The following ADCK1 variants were observed in gnomAD, a reference collection of about 807,000 sequenced individuals.
The protein encoded by ADCK1 is aarF domain-containing protein kinase 1.
A neutral mutation model predicts 52.3 loss-of-function variants in ADCK1; 41 were observed. The ratio of observed to expected loss-of-function variants is 0.78; its 90% confidence interval spans 0.61 to 1.02. The LOEUF is 1.02. ADCK1 is among the 50% of genes least tolerant of loss of function. ADCK1 has a pLI of 0.00. For missense variants in ADCK1, 658 were observed against 679.5 expected, an observed-to-expected ratio of 0.97 and a Z score of 0.35; for synonymous variants, 250 against 274.6, an observed-to-expected ratio of 0.91 and a Z score of 0.89.
chr14:77,910,272 G>C (rs184201015), intron 7 of ADCK1, among the ~76,000 whole-genome samples: 2 of 152,206 alleles, frequency 1.3e-5, no homozygotes, highest in Non-Finnish European at 2.9e-5. Flanking sequence ...GAGAAAAAGA[G>C]TTCATCCTTC....
chr14:77,908,093 T>A, intron 7 of ADCK1, 174 bp downstream of exon 7: 5 of 567,328 alleles, frequency 8.8e-6, no homozygotes, highest in Non-Finnish European at 1.3e-5. Context: ...TCAGGTCATT[T>A]AGGCCAGCCC....
At chr14:77,931,829 TC>T in intron 10 of ADCK1, 118 bp downstream of exon 10, 1 of 1,057,926 alleles carries the variant, frequency 9.5e-7, no homozygotes, top group Non-Finnish European at 1.3e-6. Context: ...CTTCCCAATC[TC>T]CAGATATCCC....
intron 5 of ADCK1, among the ~76,000 whole-genome samples, chr14:77,894,483 C>A (rs569458726): frequency 1.3e-5 from 2 of 151,976 alleles, no homozygotes; most frequent in African/African-American, 4.8e-5. Flanking sequence ...TGTCCTGTGT[C>A]GTTGTGTTGT....
At chr14:77,827,091 C>T (rs941894345) in intron 3 of ADCK1, among the ~76,000 whole-genome samples, 1 of 151,910 alleles carries the variant, frequency 6.6e-6, no homozygotes, top group Non-Finnish European at 1.5e-5. Context: ...CGGTGGCTCA[C>T]GCCTGTAATC....
intron 9 of ADCK1, among the ~76,000 whole-genome samples, chr14:77,929,432 C>T (rs2084271788): frequency 1.3e-5 from 2 of 152,326 alleles, no homozygotes; most frequent in Admixed American, 6.5e-5. Context: ...GGCGCTATGT[C>T]TCCTTATATC....
intron 5 of ADCK1, among the ~76,000 whole-genome samples, chr14:77,894,869 C>T (rs2083376277): frequency 6.6e-6 from 1 of 150,908 alleles, no homozygotes; most frequent in Non-Finnish European, 1.5e-5. Context: ...TCTCCTGCTT[C>T]AGCCTCCTGA....
intron 3 of ADCK1, among the ~76,000 whole-genome samples, 173 bp downstream of exon 3, chr14:77,822,691 C>T (rs549847876): frequency 6.6e-6 from 1 of 152,286 alleles, no homozygotes; most frequent in Non-Finnish European, 1.5e-5. Flanking sequence ...AGCCACGAAG[C>T]TTCCTGTGTA....
chr14:77,882,814 G>C (rs2083057759), intron 4 of ADCK1, among the ~76,000 whole-genome samples: 1 of 152,298 alleles, frequency 6.6e-6, no homozygotes, highest in East Asian at 1.9e-4. Flanking sequence ...GGAGTTTCTG[G>C]ATAGTCTCTT....
At chr14:77,908,225 G>T (rs2083712805) in intron 7 of ADCK1, 2 of 213,594 alleles carry the variant, frequency 9.4e-6, no homozygotes, top group South Asian at 8.3e-5. Context: ...AAAATCAGTG[G>T]GACTTAATCC....
chr14:77,805,452 GGGCTTCACCACATTGGCCA>G (rs1399480816), intron 1 of ADCK1, among the ~76,000 whole-genome samples: 3 of 151,658 alleles, frequency 2.0e-5, no homozygotes, highest in Non-Finnish European at 4.4e-5. Flanking sequence ...AGTAGAGACA[GGGCTTCACCACATTGGCCA>G]GGCTGGTTTC....
intron 1 of ADCK1, among the ~76,000 whole-genome samples, chr14:77,816,428 T>TCCACA (rs60264325): frequency 0.53 from 80,952 of 151,620 alleles, 23,168 homozygotes; most frequent in Middle Eastern, 0.66. Context: ...TTTCTGATTG[T>TCCACA]GGATCTTAAC....
chr14:77,888,752 G>T (rs77650897), intron 5 of ADCK1, among the ~76,000 whole-genome samples: 1 of 152,170 alleles, frequency 6.6e-6, no homozygotes, highest in Non-Finnish European at 1.5e-5. Context: ...AAGTGATTAC[G>T]TTTAGGTATA....
rs60062127 is a variant in ADCK1 at position 77,854,555 on chromosome 14, C to CTTTT, written c.220-4505_220-4502dup. Among the ~76,000 whole-genome samples the CTTTT allele has an allele frequency of 7.0e-5, 9 of 128,588 alleles. 2 individuals carry two copies. The highest frequency in any genetic ancestry group is 6.4e-5 in the Non-Finnish European group (4 of 62,238). 84.4% of individuals were successfully genotyped at this position (128,588 alleles called of 152,430 possible). A position where few individuals can be genotyped will look rare whatever the true frequency, so the allele number is the denominator to read the frequency against. The stretch of plus-strand genomic sequence containing the variant: ...AGGTAGCAGCTCTCTTCGGAGTGGG[C>CTTTT]TTTTTTTTTTTTTTTTTTTGAGATG... On this transcript the variant is annotated intron_variant, in intron 3 of 10. Transcript: ENST00000238561.
intron 4 of ADCK1, among the ~76,000 whole-genome samples, chr14:77,863,654 T>C (rs1439770441): frequency 6.6e-6 from 1 of 152,040 alleles, no homozygotes; most frequent in Non-Finnish European, 1.5e-5. Flanking sequence ...CTGGCCAACA[T>C]GGGGAAACCC....
chr14:77,818,756 A>G (rs2081517946), intron 1 of ADCK1, among the ~76,000 whole-genome samples: 1 of 152,182 alleles, frequency 6.6e-6, no homozygotes, highest in African/African-American at 2.4e-5. Context: ...CCCAGGTACT[A>G]TGCTAAGGAT....
At chr14:77,804,614 T>G (rs1594838480) in intron 1 of ADCK1, among the ~76,000 whole-genome samples, 1 of 147,018 alleles carries the variant, frequency 6.8e-6, no homozygotes, top group African/African-American at 2.5e-5. Context: ...TGGGAGGTGG[T>G]GTTGGGGTGG....
chr14:77,859,799 G>A (rs905731228), intron 4 of ADCK1, among the ~76,000 whole-genome samples: 8 of 152,180 alleles, frequency 5.3e-5, no homozygotes, highest in Non-Finnish European at 1.0e-4. Context: ...AATAGAAGGT[G>A]CTTAGTATAG....
At chr14:77,895,749 C>T (rs1275523050) in intron 5 of ADCK1, among the ~76,000 whole-genome samples, 3 of 152,158 alleles carry the variant, frequency 2.0e-5, no homozygotes, top group East Asian at 1.9e-4. Flanking sequence ...TACTTGAACC[C>T]GACGACTCTT....
chr14:77,888,001 C>CT (rs1425663765), intron 5 of ADCK1, among the ~76,000 whole-genome samples: 1 of 152,206 alleles, frequency 6.6e-6, no homozygotes, highest in Non-Finnish European at 1.5e-5. Context: ...TATTGAGGGT[C>CT]TTCTGCACCC....
Sources: allele counts gnomAD v4.1 joint callset (sites outside exome capture counted in the v4.1 genomes callset), GRCh38; gene constraint gnomAD v4.1.1; transcripts MANE v1.5; gene names NCBI Gene and HGNC (gene_info 2026-07-23, HGNC 2026-07-21).